Variants in SIPA1L1 observed in about 807,000 individuals in gnomAD.
SIPA1L1 encodes the protein signal-induced proliferation-associated 1-like protein 1.
SIPA1L1 carries 26 observed loss-of-function variants against 162.7 expected under a neutral mutation model. The observed-to-expected ratio is 0.16, with a 90% CI of 0.12 to 0.22. The LOEUF (loss-of-function observed/expected upper bound fraction) is 0.22. Ranked by LOEUF, SIPA1L1 falls within the 10% of genes least tolerant of loss-of-function variation. SIPA1L1 has a pLI of 1.00. For missense variants in SIPA1L1, 1,874 were observed against 2,241.0 expected (o/e 0.84, Z 3.31); for synonymous variants, 829 against 837.4 (o/e 0.99, Z 0.17).
chr14:71,440,004 C>A (rs1399841934), intron 2 of SIPA1L1, among the ~76,000 whole-genome samples: 1 of 152,100 alleles, frequency 6.6e-6, no homozygotes, highest in Non-Finnish European at 1.5e-5. Flanking sequence ...CATATACAGG[C>A]CTTGCCCTCC....
At chr14:71,702,596 G>T in intron 15 of SIPA1L1, 91 bp downstream of exon 15, 3 of 1,136,086 alleles carry the variant, frequency 2.6e-6, no homozygotes, top group Non-Finnish European at 3.8e-6. Flanking sequence ...TGTTATAAAA[G>T]GTAGCCCTAG....
chr14:71,601,499 T>C (rs1052090455), intron 5 of SIPA1L1, among the ~76,000 whole-genome samples: 1 of 152,188 alleles, frequency 6.6e-6, no homozygotes, highest in Non-Finnish European at 1.5e-5. Context: ...TTGTTCATAT[T>C]TTGTTGAACA....
chr14:71,600,940 T>C (rs1237111151), intron 5 of SIPA1L1, among the ~76,000 whole-genome samples: 1 of 152,228 alleles, frequency 6.6e-6, no homozygotes, highest in African/African-American at 2.4e-5. Flanking sequence ...TATGTTGATG[T>C]TGATTTTGTA....
intron 19 of SIPA1L1, among the ~76,000 whole-genome samples, chr14:71,728,376 C>G (rs2084433717): frequency 6.6e-6 from 1 of 152,200 alleles, no homozygotes; most frequent in South Asian, 2.1e-4. Context: ...AAGCATTTAT[C>G]ACAGCAATTT....
At chr14:71,571,244 G>C (rs1465254614) in intron 4 of SIPA1L1, among the ~76,000 whole-genome samples, 1 of 152,020 alleles carries the variant, frequency 6.6e-6, no homozygotes, top group Non-Finnish European at 1.5e-5. Flanking sequence ...TAAAGAAATG[G>C]AGGGTGCAGG....
rs576200821 is a variant in SIPA1L1, at chr14:71,495,797, C to A, written c.-464-16946C>A. Among the ~76,000 whole-genome samples the A allele has an allele frequency of 1.6e-4, 24 of 149,078 alleles. No individual in the cohort carries two copies. In the South Asian group the frequency reaches 4.8e-3, roughly 30 times the overall value. ...GTGAGCAGTGTTTCACACCTGTAAT[C>A]CCAGCACTTTGAGAGGCCAAGGTGG... On this transcript the variant is annotated intron_variant, in intron 2 of 23. Transcript: ENST00000381232.
At chr14:71,338,676 C>T (rs2035337279) in intron 2 of SIPA1L1, among the ~76,000 whole-genome samples, 1 of 152,104 alleles carries the variant, frequency 6.6e-6, no homozygotes, top group African/African-American at 2.4e-5. Flanking sequence ...TTAGGTGGCT[C>T]TTTTAGTCCT....
At chr14:71,492,768 A>T (rs1159656022) in intron 2 of SIPA1L1, among the ~76,000 whole-genome samples, 1 of 150,762 alleles carries the variant, frequency 6.6e-6, no homozygotes, top group Non-Finnish European at 1.5e-5. Context: ...CCATGGGCAT[A>T]TGCCACCATG....
At chr14:71,339,000 A>G (rs1259857730) in intron 2 of SIPA1L1, among the ~76,000 whole-genome samples, 2 of 152,114 alleles carry the variant, frequency 1.3e-5, no homozygotes, top group African/African-American at 2.4e-5. Flanking sequence ...TTGGCCTCCC[A>G]AAGTGCTGGG....
At chr14:71,587,259 C>T (rs2034732892) in intron 4 of SIPA1L1, among the ~76,000 whole-genome samples, 2 of 152,148 alleles carry the variant, frequency 1.3e-5, no homozygotes, top group Middle Eastern at 3.4e-3. Flanking sequence ...GAGCAAAAGT[C>T]TGTACTTTGG....
At chr14:71,566,797 C>G (rs2030698058) in intron 4 of SIPA1L1, among the ~76,000 whole-genome samples, 1 of 152,058 alleles carries the variant, frequency 6.6e-6, no homozygotes, top group African/African-American at 2.4e-5. Flanking sequence ...GCCTTTAGAG[C>G]AAAACACCCA....
At chr14:71,633,495 A>T (rs1338954086) in intron 7 of SIPA1L1, among the ~76,000 whole-genome samples, 1 of 152,114 alleles carries the variant, frequency 6.6e-6, no homozygotes, top group African/African-American at 2.4e-5. Flanking sequence ...TTAAAAATGA[A>T]AAAATAGAAA....
chr14:71,516,710 C>T (rs1325258885), intron 3 of SIPA1L1, among the ~76,000 whole-genome samples: 4 of 151,608 alleles, frequency 2.6e-5, no homozygotes, highest in East Asian at 3.9e-4. Flanking sequence ...TGGTGGCTCA[C>T]GCCTGTAATC....
chr14:71,500,526 A>T (rs2050123431), intron 2 of SIPA1L1, among the ~76,000 whole-genome samples: 1 of 152,218 alleles, frequency 6.6e-6, no homozygotes. Context: ...TGGAAGTATA[A>T]ATTGCAACTT....
chr14:71,601,651 C>G (rs993565387), intron 5 of SIPA1L1, among the ~76,000 whole-genome samples: 1 of 151,970 alleles, frequency 6.6e-6, no homozygotes, highest in Admixed American at 6.6e-5. Flanking sequence ...TTTTGGAATA[C>G]TTTGAGGAGA....
At chr14:71,553,598 A>C (rs1037336196) in intron 4 of SIPA1L1, among the ~76,000 whole-genome samples, 4 of 152,342 alleles carry the variant, frequency 2.6e-5, no homozygotes, top group Admixed American at 2.6e-4. Context: ...CTAACAGTAT[A>C]ATTTGAACAG....
At chr14:71,568,356 A>T (rs910360031) in intron 4 of SIPA1L1, among the ~76,000 whole-genome samples, 6 of 152,130 alleles carry the variant, frequency 3.9e-5, no homozygotes, top group African/African-American at 1.4e-4. Flanking sequence ...TTCTTGCCAA[A>T]CTGTTAGGGT....
At chr14:71,417,285 C>T (rs1387899023) in intron 2 of SIPA1L1, among the ~76,000 whole-genome samples, 1 of 151,246 alleles carries the variant, frequency 6.6e-6, no homozygotes, top group Non-Finnish European at 1.5e-5. Context: ...TCCTGGCTAA[C>T]ACGGTGAAAC....
chr14:71,721,124 T>C (rs558135291), intron 17 of SIPA1L1, among the ~76,000 whole-genome samples: 1 of 152,344 alleles, frequency 6.6e-6, no homozygotes, highest in South Asian at 2.1e-4. Context: ...GGGACTGTTG[T>C]GATCTTAGTT....
Sources: gnomAD v4.1 joint callset for allele counts (sites outside exome capture counted in the v4.1 genomes callset) on GRCh38, gnomAD v4.1.1 for gene constraint, MANE v1.5 for transcripts, NCBI Gene and HGNC (gene_info 2026-07-23, HGNC 2026-07-21) for gene names.